Variants in PLD5 observed in about 807,000 individuals in gnomAD.
PLD5 encodes phospholipase D family member 5.
A neutral mutation model predicts 61.1 loss-of-function variants in PLD5; 36 were observed. The observed-to-expected ratio is 0.59, with a 90% CI of 0.45 to 0.78. The LOEUF is 0.78. PLD5 is among the 30% of genes least tolerant of loss of function. PLD5 has a pLI of 0.00. For missense variants in PLD5, 515 were observed against 644.4 expected (o/e 0.80, Z 2.17); for synonymous variants, 243 against 242.8 (o/e 1.00, Z -0.01).
chr1:242,291,737 G>A (rs1675379731), intron 2 of PLD5, among the ~76,000 whole-genome samples: 1 of 152,102 alleles, frequency 6.6e-6, no homozygotes, highest in Non-Finnish European at 1.5e-5. Context: ...ACCCTGGGAG[G>A]TGGAGCTTGC....
intron 9 of PLD5, among the ~76,000 whole-genome samples, chr1:242,090,682 A>G (rs1205791164): frequency 6.6e-6 from 1 of 152,190 alleles, no homozygotes; most frequent in Non-Finnish European, 1.5e-5. Flanking sequence ...CCTCTCAAGT[A>G]TGACTGCCCG....
At chr1:242,413,191 G>A (rs530506087) in intron 1 of PLD5, among the ~76,000 whole-genome samples, 10 of 152,248 alleles carry the variant, frequency 6.6e-5, no homozygotes, top group Admixed American at 5.9e-4. Flanking sequence ...CTGACACTCT[G>A]ACCAGCCTTT....
At chr1:242,498,048 T>C (rs1007261969) in intron 1 of PLD5, among the ~76,000 whole-genome samples, 4 of 152,224 alleles carry the variant, frequency 2.6e-5, no homozygotes, top group African/African-American at 9.6e-5. Flanking sequence ...CACTGCAACC[T>C]CCACCTCCCG....
At chr1:242,391,354 G>A (rs1345089280) in intron 1 of PLD5, among the ~76,000 whole-genome samples, 1 of 152,018 alleles carries the variant, frequency 6.6e-6, no homozygotes, top group Non-Finnish European at 1.5e-5. Context: ...CTATAATGCG[G>A]TAAAGTAACA....
chr1:242,112,339 G>GTGTGTATATATATATA (rs1370325825), intron 7 of PLD5, among the ~76,000 whole-genome samples: 22 of 143,398 alleles, frequency 1.5e-4, no homozygotes, highest in East Asian at 2.1e-4. Context: ...ATGTATATGT[G>GTGTGTATATATATATA]TATATATATA....
chr1:242,226,412 T>C (rs1318225172), intron 4 of PLD5, among the ~76,000 whole-genome samples: 1 of 152,218 alleles, frequency 6.6e-6, no homozygotes, highest in Admixed American at 6.5e-5. Flanking sequence ...TAACTGATGA[T>C]TCATAGGCAT....
intron 7 of PLD5, among the ~76,000 whole-genome samples, chr1:242,111,629 A>G (rs1381690665): frequency 1.3e-5 from 2 of 152,136 alleles, no homozygotes; most frequent in Non-Finnish European, 2.9e-5. Flanking sequence ...TATTTATTAA[A>G]GTTGAATTCA....
At chr1:242,467,118 G>C (rs1004174980) in intron 1 of PLD5, among the ~76,000 whole-genome samples, 12 of 152,212 alleles carry the variant, frequency 7.9e-5, no homozygotes, top group African/African-American at 2.9e-4. Context: ...CATAAAAAAG[G>C]TAAGTCTGTG....
chr1:242,335,858 A>T (rs1168449537), intron 2 of PLD5, among the ~76,000 whole-genome samples: 1 of 152,196 alleles, frequency 6.6e-6, no homozygotes, highest in Admixed American at 6.5e-5. Flanking sequence ...GATGAAAAAG[A>T]AAGGCTCCAA....
chr1:242,404,680 C>T (rs1010172106), intron 1 of PLD5, among the ~76,000 whole-genome samples: 8 of 150,258 alleles, frequency 5.3e-5, no homozygotes, highest in Non-Finnish European at 1.2e-4. Flanking sequence ...TACTCTCACA[C>T]ACACTTTGTT....
intron 5 of PLD5, among the ~76,000 whole-genome samples, chr1:242,178,516 C>T (rs767014879): frequency 1.3e-5 from 2 of 152,194 alleles, no homozygotes; most frequent in African/African-American, 2.4e-5. Context: ...CCAATGACTA[C>T]TCTGGTGCTG....
At chr1:242,419,532 A>T (rs1434453480) in intron 1 of PLD5, among the ~76,000 whole-genome samples, 1 of 147,616 alleles carries the variant, frequency 6.8e-6, no homozygotes, top group Admixed American at 6.8e-5. Flanking sequence ...AGTAGCTGGG[A>T]CTACAGGCGC....
intron 1 of PLD5, among the ~76,000 whole-genome samples, chr1:242,378,188 G>A (rs1255715838): frequency 6.6e-6 from 1 of 152,188 alleles, no homozygotes; most frequent in Non-Finnish European, 1.5e-5. Flanking sequence ...CCTTAAAAGA[G>A]AAGGAAATTC....
chr1:242,242,296 G>A (rs559127943), intron 4 of PLD5, among the ~76,000 whole-genome samples: 4 of 152,190 alleles, frequency 2.6e-5, no homozygotes, highest in Admixed American at 2.6e-4. Flanking sequence ...TCCAGGGGCA[G>A]TGCCCTGGAT....
intron 1 of PLD5, among the ~76,000 whole-genome samples, chr1:242,370,568 G>A (rs151281427): frequency 2.1e-3 from 327 of 152,258 alleles, no homozygotes; most frequent in Non-Finnish European, 4.0e-3. Flanking sequence ...CACTTGAGTA[G>A]ACCAGTTCTG....
chr1:242,493,725 C>T (rs1208818622), intron 1 of PLD5, among the ~76,000 whole-genome samples: 1 of 152,102 alleles, frequency 6.6e-6, no homozygotes, highest in Non-Finnish European at 1.5e-5. Flanking sequence ...TCTGGGGCCT[C>T]CAGCAGAGGA....
chr1:242,526,330 G>A (rs964929778), upstream of PLD5, among the ~76,000 whole-genome samples: 1 of 152,222 alleles, frequency 6.6e-6, no homozygotes, highest in African/African-American at 2.4e-5. Context: ...AGGCAACAGT[G>A]AGCCGATATC....
intron 2 of PLD5, among the ~76,000 whole-genome samples, chr1:242,290,065 G>A (rs1318339096): frequency 6.6e-6 from 1 of 151,118 alleles, no homozygotes; most frequent in African/African-American, 2.4e-5. Flanking sequence ...AAATCACTAT[G>A]TGCAACACAG....
At chr1:242,367,843 C>T (rs1448245414) in intron 1 of PLD5, among the ~76,000 whole-genome samples, 1 of 152,066 alleles carries the variant, frequency 6.6e-6, no homozygotes, top group Non-Finnish European at 1.5e-5. Flanking sequence ...CCCAGTGAAA[C>T]ATCAGAAGAG....
Sources: allele counts gnomAD v4.1 joint callset (sites outside exome capture counted in the v4.1 genomes callset), GRCh38; gene constraint gnomAD v4.1.1; transcripts MANE v1.5; gene names NCBI Gene and HGNC (gene_info 2026-07-23, HGNC 2026-07-21).